The following MAPK4 variants were observed in gnomAD, a reference collection of about 807,000 sequenced individuals.
MAPK4 encodes Erk3-related.
In MAPK4, 22 loss-of-function variants were observed where a neutral mutation model predicts 47.7. The ratio of observed to expected loss-of-function variants is 0.46; its 90% confidence interval spans 0.33 to 0.66. The LOEUF is 0.66. Among genes scored for constraint, MAPK4 ranks in the 30% least tolerant of loss-of-function variants. MAPK4 has a pLI of 0.02. For synonymous variants in MAPK4, 390 were observed against 365.7 expected (o/e 1.07, Z -0.76); for missense variants, 736 against 831.7 (o/e 0.88, Z 1.42).
Position 50,729,908 on chromosome 18 carries a change from G to A in MAPK4, c.*54G>A, listed in dbSNP as rs528992248. 1.4e-5 allele frequency: 20 copies of A among 1,476,302 alleles called. No individual in the cohort carries two copies. Among genetic ancestry groups the A allele is most frequent in the Admixed American group, 2.3e-5 (1 of 44,282 alleles). The allele number at this position is 1,476,302 out of a possible 1,614,324, so 91.5% of individuals were successfully genotyped here. ...GAGCAGGAGACCCCCAGAGAAAGCC[G>A]GGGCTGGCAGGAGGCGGCCGCCCTT... On this transcript the variant is annotated 3_prime_UTR_variant, in exon 6 of 6. Coordinates refer to ENST00000400384, the MANE Select transcript of MAPK4 (RefSeq NM_002747.4).
At chr18:50,626,821 C>G (rs1251605687) in intron 1 of MAPK4, among the ~76,000 whole-genome samples, 1 of 152,186 alleles carries the variant, frequency 6.6e-6, no homozygotes, top group African/African-American at 2.4e-5. Flanking sequence ...GTTCCCCAAC[C>G]CTGTGCCCTA....
intron 1 of MAPK4, among the ~76,000 whole-genome samples, chr18:50,640,722 T>C (rs1285303395): frequency 6.6e-6 from 1 of 152,210 alleles, no homozygotes; most frequent in Non-Finnish European, 1.5e-5. Flanking sequence ...CGCCTTGGCC[T>C]ACCAAAGTGC....
intron 2 of MAPK4, among the ~76,000 whole-genome samples, chr18:50,701,572 G>A (rs900564313): frequency 5.9e-5 from 9 of 152,192 alleles, no homozygotes; most frequent in African/African-American, 1.9e-4. Flanking sequence ...GCATTGTGGT[G>A]TAGGAATAAC....
intron 2 of MAPK4, among the ~76,000 whole-genome samples, chr18:50,710,955 A>C (rs1362767572): frequency 6.6e-6 from 1 of 152,220 alleles, no homozygotes; most frequent in Non-Finnish European, 1.5e-5. Flanking sequence ...GTGGGGGCAC[A>C]GCAAGGGCAG....
chr18:50,690,538 A>C (rs1404828181), intron 2 of MAPK4, among the ~76,000 whole-genome samples: 1 of 152,244 alleles, frequency 6.6e-6, no homozygotes, highest in African/African-American at 2.4e-5. Flanking sequence ...GTCCTGTGCA[A>C]CCATTTAAAA....
intron 1 of MAPK4, among the ~76,000 whole-genome samples, chr18:50,636,038 C>T (rs554202850): frequency 2.6e-5 from 4 of 152,224 alleles, no homozygotes; most frequent in South Asian, 2.1e-4. Context: ...CTTGCACTTA[C>T]ACTTCCTTGC....
intron 1 of MAPK4, among the ~76,000 whole-genome samples, chr18:50,595,698 G>A (rs528469978): frequency 1.3e-5 from 2 of 152,214 alleles, no homozygotes; most frequent in Non-Finnish European, 2.9e-5. Flanking sequence ...CATGTTAAGA[G>A]ATAAATGGTA....
intron 2 of MAPK4, among the ~76,000 whole-genome samples, chr18:50,708,286 G>A (rs867830945): frequency 3.3e-5 from 5 of 152,172 alleles, no homozygotes; most frequent in African/African-American, 7.2e-5. Context: ...CTGCTTCAGC[G>A]GGACCTCTGG....
intron 2 of MAPK4, among the ~76,000 whole-genome samples, chr18:50,709,377 GA>G (rs1279722089): frequency 6.6e-6 from 1 of 152,232 alleles, no homozygotes; most frequent in African/African-American, 2.4e-5. Flanking sequence ...ATGGGGTGGA[GA>G]GGGAGCACAG....
chr18:50,621,049 G>A (rs1233501564), intron 1 of MAPK4, among the ~76,000 whole-genome samples: 3 of 152,072 alleles, frequency 2.0e-5, no homozygotes, highest in African/African-American at 7.2e-5. Context: ...CTACATTACT[G>A]GGCACTGTGC....
intron 1 of MAPK4, among the ~76,000 whole-genome samples, chr18:50,646,539 T>G (rs527448726): frequency 6.6e-6 from 1 of 152,188 alleles, no homozygotes; most frequent in South Asian, 2.1e-4. Context: ...ATAGACAAAG[T>G]GGAACTGCAG....
At chr18:50,699,061 A>T (rs7237543) in intron 2 of MAPK4, among the ~76,000 whole-genome samples, 46,674 of 152,022 alleles carry the variant, frequency 0.31, 7,344 homozygotes, top group Non-Finnish European at 0.34. Context: ...TATAAAATAT[A>T]TCCAAATTGA....
intron 1 of MAPK4, among the ~76,000 whole-genome samples, chr18:50,567,290 C>A (rs1363663066): frequency 6.6e-6 from 1 of 152,104 alleles, no homozygotes; most frequent in Non-Finnish European, 1.5e-5. Context: ...CTCCCTGTGT[C>A]CTTGTGTTCT....
chr18:50,654,098 G>A (rs920507332), intron 1 of MAPK4, among the ~76,000 whole-genome samples: 1 of 152,224 alleles, frequency 6.6e-6, no homozygotes, highest in African/African-American at 2.4e-5. Context: ...ATCTGCCATT[G>A]CTGGTCGAAA....
chr18:50,653,246 A>T (rs2043071102), intron 1 of MAPK4, among the ~76,000 whole-genome samples: 2 of 152,164 alleles, frequency 1.3e-5, no homozygotes, highest in African/African-American at 4.8e-5. Flanking sequence ...TTCCCTAACA[A>T]AAGGAACAGG....
At chr18:50,597,797 T>C (rs1451360693) in intron 1 of MAPK4, among the ~76,000 whole-genome samples, 2 of 152,248 alleles carry the variant, frequency 1.3e-5, no homozygotes, top group African/African-American at 2.4e-5. Flanking sequence ...TTCTTTGGGC[T>C]GCAAAATCCT....
intron 1 of MAPK4, among the ~76,000 whole-genome samples, chr18:50,640,911 G>A (rs1439984182): frequency 2.6e-5 from 4 of 152,156 alleles, no homozygotes; most frequent in Non-Finnish European, 5.9e-5. Context: ...TTCCATGAAG[G>A]TACCTAGAAA....
chr18:50,652,990 T>G (rs144817472), intron 1 of MAPK4, among the ~76,000 whole-genome samples: 2 of 152,082 alleles, frequency 1.3e-5, no homozygotes, highest in African/African-American at 4.8e-5. Context: ...GAGACCAGCC[T>G]GGGTAACATG....
intron 1 of MAPK4, among the ~76,000 whole-genome samples, chr18:50,605,706 G>A (rs367925224): frequency 2.0e-5 from 3 of 152,332 alleles, no homozygotes; most frequent in South Asian, 4.1e-4. Context: ...AGGAGGTAGA[G>A]GGGAGGAGGA....
Sources: allele counts gnomAD v4.1 joint callset (sites outside exome capture counted in the v4.1 genomes callset), GRCh38; gene constraint gnomAD v4.1.1; transcripts MANE v1.5; gene names NCBI Gene and HGNC (gene_info 2026-07-23, HGNC 2026-07-21).